The following TRAPPC9 variants were observed in gnomAD, a reference collection of about 807,000 sequenced individuals.
TRAPPC9 encodes the protein IKK2 binding protein.
Under a neutral mutation model 124.0 loss-of-function variants are expected in TRAPPC9, and 83 were observed. The observed-to-expected ratio is 0.67, with a 90% CI of 0.56 to 0.80. The LOEUF is 0.80. Ranked by LOEUF, TRAPPC9 falls within the 30% of genes least tolerant of loss-of-function variation. The probability of loss-of-function intolerance (pLI) is 0.00; values close to 1 mark genes in which losing one functional copy is unlikely to be tolerated. For synonymous variants in TRAPPC9, 638 were observed against 617.5 expected, an observed-to-expected ratio of 1.03 and a Z score of -0.49; for missense variants, 1,302 against 1,508.3, an observed-to-expected ratio of 0.86 and a Z score of 2.27.
chr8:139,974,638 G>C (rs1250241889), intron 19 of TRAPPC9, among the ~76,000 whole-genome samples: 2 of 152,032 alleles, frequency 1.3e-5, no homozygotes, highest in East Asian at 3.9e-4. Flanking sequence ...GGGGCCCAGG[G>C]CCCTGGGCCC....
chr8:140,238,423 G>C (rs1230228100), intron 16 of TRAPPC9: 1 of 152,220 alleles, frequency 6.6e-6, no homozygotes, highest in Non-Finnish European at 1.5e-5. Context: ...CCAGCACCAG[G>C]AAGGTGCTCC....
chr8:140,120,454 T>C (rs557168183), intron 17 of TRAPPC9, among the ~76,000 whole-genome samples: 1 of 152,356 alleles, frequency 6.6e-6, no homozygotes, highest in Admixed American at 6.5e-5. Flanking sequence ...AAATAGATTT[T>C]GTTTTTAAGA....
intron 21 of TRAPPC9, among the ~76,000 whole-genome samples, chr8:139,811,548 G>A (rs1005799485): frequency 2.0e-5 from 3 of 152,250 alleles, no homozygotes; most frequent in African/African-American, 7.2e-5. Context: ...CTGAAGAGAA[G>A]ATATCAAAGG....
At chr8:139,834,434 G>A (rs887207436) in intron 21 of TRAPPC9, among the ~76,000 whole-genome samples, 2 of 152,228 alleles carry the variant, frequency 1.3e-5, no homozygotes. Flanking sequence ...CACGTGACAT[G>A]CACAACTGAG....
At chr8:140,454,225 G>A (rs1368232577) in intron 1 of TRAPPC9, among the ~76,000 whole-genome samples, 2 of 152,070 alleles carry the variant, frequency 1.3e-5, no homozygotes, top group Non-Finnish European at 2.9e-5. Flanking sequence ...GGAGGTGGAG[G>A]AGGCAGTGAG....
At chr8:139,983,676 C>T (rs1321954756) in intron 19 of TRAPPC9, among the ~76,000 whole-genome samples, 2 of 152,184 alleles carry the variant, frequency 1.3e-5, no homozygotes, top group Non-Finnish European at 2.9e-5. Context: ...CTTTCTTCTG[C>T]TGGGTGAAGC....
intron 9 of TRAPPC9, among the ~76,000 whole-genome samples, chr8:140,318,891 C>G (rs995699412): frequency 6.6e-6 from 1 of 152,116 alleles, no homozygotes; most frequent in African/African-American, 2.4e-5. Flanking sequence ...TCTTCCTGTT[C>G]CAAAATATGA....
intron 17 of TRAPPC9, among the ~76,000 whole-genome samples, chr8:140,194,731 G>A (rs1226725983): frequency 1.3e-5 from 2 of 152,120 alleles, no homozygotes; most frequent in African/African-American, 4.8e-5. Context: ...AAATCCCTAT[G>A]AGCATTTGTA....
intron 17 of TRAPPC9, among the ~76,000 whole-genome samples, chr8:140,085,163 G>A (rs75010342): frequency 1.3e-5 from 2 of 152,208 alleles, no homozygotes; most frequent in East Asian, 1.9e-4. Context: ...TTGAAAAAGA[G>A]AGTTCCCCGA....
chr8:140,050,853 A>T (rs1587596051), intron 17 of TRAPPC9, among the ~76,000 whole-genome samples: 1 of 152,164 alleles, frequency 6.6e-6, no homozygotes, highest in East Asian at 1.9e-4. Context: ...CTGGGGGGCC[A>T]CACAGCCCTG....
At chr8:140,332,318 T>C (rs1015828296) in intron 9 of TRAPPC9, among the ~76,000 whole-genome samples, 15 of 151,624 alleles carry the variant, frequency 9.9e-5, no homozygotes, top group Non-Finnish European at 2.1e-4. Context: ...CTGGGAAGGG[T>C]TGGGGGAAGG....
intron 21 of TRAPPC9, among the ~76,000 whole-genome samples, chr8:139,849,625 C>T (rs139517262): frequency 1.2e-4 from 18 of 152,328 alleles, no homozygotes; most frequent in African/African-American, 3.1e-4. Context: ...TTCAATAATG[C>T]GCCATATGGT....
chr8:140,443,174 A>G (rs556804863), intron 2 of TRAPPC9, among the ~76,000 whole-genome samples: 1,537 of 114,534 alleles, frequency 0.013, 30 homozygotes, highest in African/African-American at 0.036. Context: ...GGTGGCTCAC[A>G]CCTGTAATCC....
chr8:139,861,330 T>A (rs1369861607), intron 21 of TRAPPC9, among the ~76,000 whole-genome samples: 1 of 152,140 alleles, frequency 6.6e-6, no homozygotes, highest in East Asian at 1.9e-4. Context: ...TCCGATTGGC[T>A]ACTTTAAAGA....
intron 9 of TRAPPC9, among the ~76,000 whole-genome samples, chr8:140,328,909 C>A (rs2066816246): frequency 6.6e-6 from 1 of 151,894 alleles, no homozygotes; most frequent in Non-Finnish European, 1.5e-5. Context: ...GCTTTGGGGA[C>A]CGGGTGGAGG....
chr8:140,031,408 T>C (rs1840489361), intron 17 of TRAPPC9, among the ~76,000 whole-genome samples: 1 of 152,236 alleles, frequency 6.6e-6, no homozygotes, highest in African/African-American at 2.4e-5. Context: ...AACACTATTG[T>C]CAGAGAAAAA....
chr8:140,345,761 G>A (rs2067330340), intron 9 of TRAPPC9, among the ~76,000 whole-genome samples: 1 of 152,234 alleles, frequency 6.6e-6, no homozygotes, highest in African/African-American at 2.4e-5. Flanking sequence ...AGAGGATGAG[G>A]AAATGCAGGA....
At chr8:140,038,272 T>G (rs915133810) in intron 17 of TRAPPC9, among the ~76,000 whole-genome samples, 2 of 152,148 alleles carry the variant, frequency 1.3e-5, no homozygotes, top group African/African-American at 4.8e-5. Flanking sequence ...GGTTCCTGCA[T>G]CCCCTTGTTC....
At chr8:140,262,454 C>T (rs1181141598) in intron 15 of TRAPPC9, among the ~76,000 whole-genome samples, 1 of 151,426 alleles carries the variant, frequency 6.6e-6, no homozygotes, top group Admixed American at 6.6e-5. Flanking sequence ...GTAAACTTCT[C>T]CAGCGTGACC....
Sources: gnomAD v4.1 joint callset for allele counts (sites outside exome capture counted in the v4.1 genomes callset) on GRCh38, gnomAD v4.1.1 for gene constraint, MANE v1.5 for transcripts, NCBI Gene and HGNC (gene_info 2026-07-23, HGNC 2026-07-21) for gene names.